Variants in RNF2 observed in about 807,000 individuals in gnomAD.
RNF2 encodes the protein E3 ubiquitin-protein ligase RING2.
In RNF2, 6 loss-of-function variants were observed where a neutral mutation model predicts 37.2. The ratio of observed to expected loss-of-function variants is 0.16; its 90% CI spans 0.09 to 0.32. The LOEUF is 0.32. Among genes scored for constraint, RNF2 ranks in the 10% least tolerant of loss-of-function variants. The probability of loss-of-function intolerance (pLI) is 1.00; values close to 1 mark genes in which losing one functional copy is unlikely to be tolerated. For synonymous variants in RNF2, 133 were observed against 132.7 expected, an observed-to-expected ratio of 1.00 and a Z score of -0.02; for missense variants, 251 against 404.0, an observed-to-expected ratio of 0.62 and a Z score of 3.25.
chr1:185,082,626 G>C (rs546765467), intron 1 of RNF2, among the ~76,000 whole-genome samples: 4 of 151,834 alleles, frequency 2.6e-5, no homozygotes, highest in Non-Finnish European at 4.4e-5. Flanking sequence ...AAGTGCTGGG[G>C]TTACAGGCGT....
chr1:185,069,427 A>G (rs952379013), intron 1 of RNF2, among the ~76,000 whole-genome samples: 4 of 151,320 alleles, frequency 2.6e-5, no homozygotes, highest in African/African-American at 9.7e-5. Context: ...ACTGCACTTC[A>G]GCCAGGGTGA....
chr1:185,070,763 C>T (rs964788572), intron 1 of RNF2, among the ~76,000 whole-genome samples: 107 of 151,968 alleles, frequency 7.0e-4, no homozygotes, highest in African/African-American at 2.5e-3. Flanking sequence ...TTCAGCCTCC[C>T]GAGTAGCTGG....
At chr1:185,083,321 A>G (rs1043731751) in intron 1 of RNF2, among the ~76,000 whole-genome samples, 1 of 152,168 alleles carries the variant, frequency 6.6e-6, no homozygotes, top group Admixed American at 6.5e-5. Context: ...GCTTTTAGCT[A>G]CATGTTGGAG....
At position 185,099,828 on chromosome 1, in the gene RNF2, T is replaced by C; in HGVS notation, c.775T>C (p.Leu259=). The C allele has an allele frequency of 6.2e-7, 1 of 1,614,170 alleles. No individual in the cohort carries two copies. Among genetic ancestry groups the C allele is most frequent in the Non-Finnish European group, 8.5e-7 (1 of 1,180,012 alleles). The part of the protein sequence containing the change: ...KTSGNATVDH[L]SKYLAVRLAL... ...TTCTGGTAACGCCACTGTTGATCAC[T>C]TATCCAAGTATCTGGCTGTGAGGTT... The change falls in exon 6 of 7, where the codon TTA becomes CTA. Residue 259 remains leucine, a synonymous_variant. Transcript: ENST00000367510.
At chr1:185,087,337 CAA>C (rs1304449574) in intron 1 of RNF2, among the ~76,000 whole-genome samples, 9 of 152,222 alleles carry the variant, frequency 5.9e-5, no homozygotes, top group Non-Finnish European at 1.3e-4. Flanking sequence ...CTGGAAGGGC[CAA>C]AAGTTTCCAT....
intron 1 of RNF2, among the ~76,000 whole-genome samples, chr1:185,062,881 T>G (rs115757443): frequency 0.012 from 1,835 of 151,918 alleles, 16 homozygotes; most frequent in Middle Eastern, 0.037. Context: ...GGCTTGCCAA[T>G]TAAAACAACA....
intron 1 of RNF2, among the ~76,000 whole-genome samples, chr1:185,075,251 C>T (rs1462152631): frequency 6.6e-6 from 1 of 152,112 alleles, no homozygotes; most frequent in Non-Finnish European, 1.5e-5. Flanking sequence ...GCCTCGGCCT[C>T]CCAAAGTGCT....
intron 3 of RNF2, 37 bp downstream of exon 3, chr1:185,091,776 T>G (rs373023574): frequency 7.1e-6 from 11 of 1,543,942 alleles, no homozygotes; most frequent in Non-Finnish European, 8.8e-6. Context: ...GGTACTTAAT[T>G]GTACCACGAA....
intron 5 of RNF2, among the ~76,000 whole-genome samples, chr1:185,099,074 G>T: frequency 1.6e-5 from 2 of 127,284 alleles, no homozygotes. Flanking sequence ...TTTTTGAGAT[G>T]GGAGTCTTGC....
chr1:185,065,833 C>A (rs900556214), intron 1 of RNF2, among the ~76,000 whole-genome samples: 4 of 152,202 alleles, frequency 2.6e-5, no homozygotes, highest in African/African-American at 9.7e-5. Flanking sequence ...GTTTTACTTC[C>A]TTTACAATTT....
chr1:185,058,510 G>T (rs971755866), intron 1 of RNF2, among the ~76,000 whole-genome samples: 1 of 152,222 alleles, frequency 6.6e-6, no homozygotes, highest in Non-Finnish European at 1.5e-5. Flanking sequence ...GTTAAAAGTG[G>T]AAGTAGAGGG....
In RNF2 at chr1:185,099,784, C is replaced by T. The variant is rs200658900; in HGVS notation, c.738-7C>T. The stretch of plus-strand genomic sequence containing the variant: ...GAAATGAAATTTTTAATGATTTATT[C>T]TTCTAGATACATAAAGACTTCTGGT... On this transcript the variant is annotated splice_polypyrimidine_tract_variant and splice_region_variant and intron_variant, in intron 5 of 6. Transcript: ENST00000367510. 2.5e-6 allele frequency: 4 copies of T among 1,608,722 alleles called. No homozygotes were observed. The highest frequency in any genetic ancestry group is 3.4e-6 in the Non-Finnish European group (4 of 1,177,266).
At chr1:185,083,466 C>T (rs1244364099) in intron 1 of RNF2, among the ~76,000 whole-genome samples, 5 of 151,964 alleles carry the variant, frequency 3.3e-5, no homozygotes, top group Admixed American at 6.6e-5. Flanking sequence ...AAAGTCTTGA[C>T]GGCAATTTCT....
intron 1 of RNF2, among the ~76,000 whole-genome samples, chr1:185,069,893 A>G (rs1343006275): frequency 1.3e-5 from 2 of 152,282 alleles, no homozygotes; most frequent in East Asian, 1.9e-4. Context: ...TTTCTGGCAA[A>G]TTTTGTTCGT....
intron 1 of RNF2, among the ~76,000 whole-genome samples, chr1:185,049,942 A>C (rs1403916606): frequency 6.6e-6 from 1 of 152,206 alleles, no homozygotes; most frequent in Non-Finnish European, 1.5e-5. Flanking sequence ...CCTGTTTTCC[A>C]GTCTTCACTT....
Position 185,064,488 on chromosome 1 carries a change from C to T in RNF2, c.-3+18839C>T, listed in dbSNP as rs1192403669. The stretch of plus-strand genomic sequence containing the variant: ...CAGTGGTACAAAAGCAATATGCATT[C>T]AGCATGCTCCTTGACTTGTGATGGG... On this transcript the variant is annotated intron_variant, in intron 1 of 6. Transcript: ENST00000367510. 3.3e-5 allele frequency among the ~76,000 whole-genome samples: 5 copies of T among 152,212 alleles called. No homozygotes were observed. The East Asian group carries it at 9.6e-4, about 29-fold the overall frequency.
chr1:185,055,375 G>A (rs967264617), intron 1 of RNF2, among the ~76,000 whole-genome samples: 3 of 152,080 alleles, frequency 2.0e-5, no homozygotes, highest in Non-Finnish European at 4.4e-5. Flanking sequence ...AACCTGTATC[G>A]TTTATTTTGG....
chr1:185,067,313 G>C (rs1650824859), intron 1 of RNF2, among the ~76,000 whole-genome samples: 1 of 152,156 alleles, frequency 6.6e-6, no homozygotes, highest in African/African-American at 2.4e-5. Flanking sequence ...GTTTTTATGA[G>C]GTGTTACCGC....
At chr1:185,089,451 C>T (rs1368136394) in intron 2 of RNF2, among the ~76,000 whole-genome samples, 1 of 152,114 alleles carries the variant, frequency 6.6e-6, no homozygotes, top group Non-Finnish European at 1.5e-5. Context: ...CCCATGGATA[C>T]CAAGGGTCGA....
Sources: allele counts gnomAD v4.1 joint callset (sites outside exome capture counted in the v4.1 genomes callset), GRCh38; gene constraint gnomAD v4.1.1; transcripts MANE v1.5; gene names NCBI Gene and HGNC (gene_info 2026-07-23, HGNC 2026-07-21).